The following TSHZ1 variants were observed in gnomAD, a reference collection of about 807,000 sequenced individuals.
TSHZ1 encodes the protein teashirt homolog 1.
TSHZ1 carries 12 observed loss-of-function variants against 67.1 expected under a neutral mutation model. That is an observed-to-expected ratio of 0.18 (90% confidence interval 0.11 to 0.29). The LOEUF is 0.29. TSHZ1 is among the 10% of genes least tolerant of loss of function. The pLI, the probability that TSHZ1 is intolerant of heterozygous loss-of-function variation, is 1.00. For missense variants in TSHZ1, 1,305 were observed against 1,413.9 expected, an observed-to-expected ratio of 0.92 and a Z score of 1.23; for synonymous variants, 632 against 622.4, an observed-to-expected ratio of 1.02 and a Z score of -0.23.
In TSHZ1 at chr18:75,281,204, C is replaced by T. The variant is rs1030105798; in HGVS notation, c.41-4244C>T. Among the ~76,000 whole-genome samples the T allele has an allele frequency of 6.6e-6, 1 of 152,224 alleles. No individual in the cohort carries two copies. The highest frequency in any genetic ancestry group is 1.5e-5 in the Non-Finnish European group (1 of 68,040). ...TGGGGACGTTGGAAGGCTCTGGCCACAGCTGGTCATCAGTGCGGGGGGCCA... is the reference window on the plus strand; with the variant it reads ...TGGGGACGTTGGAAGGCTCTGGCCATAGCTGGTCATCAGTGCGGGGGGCCA... On this transcript the variant is annotated intron_variant, in intron 1 of 1. Coordinates refer to ENST00000580243, the MANE Select transcript of TSHZ1 (RefSeq NM_001308210.2). This position sits in a 1 kb window ranked among gnomAD's most constrained non-coding sequence, Gnocchi z 5.3.
intron 1 of TSHZ1, among the ~76,000 whole-genome samples, chr18:75,277,275 A>C (rs987714922): frequency 1.3e-5 from 2 of 152,050 alleles, no homozygotes; most frequent in African/African-American, 4.8e-5. Context: ...TTTTGTTCCC[A>C]TTGTTCCCAT....
chr18:75,288,835 A>G lies in TSHZ1; in HGVS notation c.*194A>G, dbSNP rs930474318. 1 of 906,680 alleles carries G rather than the reference A, an allele frequency of 1.1e-6. No homozygotes were observed. Among genetic ancestry groups the G allele is most frequent in the African/African-American group, 1.7e-5 (1 of 58,254 alleles). 56.2% of individuals were successfully genotyped at this position (906,680 alleles called of 1,614,324 possible). ...TGCATGTTATTTTTCTTTTTCCGTG[A>G]GTCAAAGTCTGACCTTTATTTTCAA... On this transcript the variant is annotated 3_prime_UTR_variant, in exon 2 of 2. Coordinates refer to ENST00000580243, the MANE Select transcript of TSHZ1 (RefSeq NM_001308210.2). This position sits in a 1 kb window ranked among gnomAD's most constrained non-coding sequence, Gnocchi z 4.9.
chr18:75,220,707 T>C (rs755273147), intron 1 of TSHZ1, among the ~76,000 whole-genome samples: 62 of 152,212 alleles, frequency 4.1e-4, no homozygotes, highest in Non-Finnish European at 8.2e-4. Flanking sequence ...GTTTAACCTT[T>C]TCATGTTTTC....
At chr18:75,260,697 A>C (rs1172432687) in intron 1 of TSHZ1, among the ~76,000 whole-genome samples, 3 of 152,130 alleles carry the variant, frequency 2.0e-5, no homozygotes, top group Non-Finnish European at 4.4e-5. Context: ...CGGCCTTTTC[A>C]CTGGGAGTTT....
chr18:75,266,186 A>G (rs1412909421), intron 1 of TSHZ1, among the ~76,000 whole-genome samples: 2 of 152,218 alleles, frequency 1.3e-5, no homozygotes, highest in Non-Finnish European at 2.9e-5. Context: ...GGAGACTTGC[A>G]GCCCGGTGCT....
rs1385689506 is a variant in TSHZ1, at chr18:75,287,305, A to G, written c.1898A>G (p.Lys633Arg). 2 of 1,614,164 alleles carry G rather than the reference A, an allele frequency of 1.2e-6. No individual in the cohort carries two copies. The highest frequency in any genetic ancestry group is 1.7e-6 in the Non-Finnish European group (2 of 1,180,026). The change falls in exon 2 of 2, where the codon AAG becomes AGG. Residue 633 changes from lysine to arginine, a missense_variant. Lys to Arg is a conservative substitution (Grantham distance 26). Transcript: ENST00000580243. This position sits in a 1 kb window ranked among gnomAD's most constrained non-coding sequence, Gnocchi z 5.0. ...SPGSLTPPPH[K>R]SNVSAMEELV... ...GGGAGCCTCACGCCCCCACCGCACA[A>G]GAGCAACGTGTCTGCCATGGAGGAG... is the stretch of plus-strand genomic sequence containing the variant.
intron 1 of TSHZ1, among the ~76,000 whole-genome samples, chr18:75,219,919 A>G (rs534829811): frequency 6.6e-6 from 1 of 152,360 alleles, no homozygotes; most frequent in South Asian, 2.1e-4. Context: ...CCTGTGATAC[A>G]TGCACAGTCA....
At chr18:75,284,783 C>G (rs11662484) in intron 1 of TSHZ1, 50,561 of 152,252 alleles carry the variant, frequency 0.33, 9,194 homozygotes, top group Non-Finnish European at 0.41. Context: ...CCAACTGTCA[C>G]TGGACCTTTT....
At position 75,211,007 on chromosome 18, in the gene TSHZ1, G is replaced by A. The variant is rs1186698923; in HGVS notation, c.-870G>A. ...GTTGCCTTTTTTTTTTCTTGGAGGG[G>A]GGGGTGCTTTTTGTGTATTTTTCAA... is the stretch of plus-strand genomic sequence containing the variant. On this transcript the variant is annotated 5_prime_UTR_variant, in exon 1 of 2. Coordinates refer to ENST00000580243, the MANE Select transcript of TSHZ1 (RefSeq NM_001308210.2). 3.3e-5 allele frequency: 5 copies of A among 151,030 alleles called. No individual in the cohort carries two copies. The highest frequency in any genetic ancestry group is 3.3e-4 in the Admixed American group (5 of 15,184). The allele number at this position is 151,030 out of a possible 1,614,324, so 9.4% of individuals were successfully genotyped here. A position where few individuals can be genotyped will look rare whatever the true frequency, so the allele number is the denominator to read the frequency against.
In TSHZ1 at chr18:75,289,071, G is replaced by GA. The variant is rs777123658; in HGVS notation, c.*442dup. On this transcript the variant is annotated 3_prime_UTR_variant, in exon 2 of 2. Transcript: ENST00000580243. Reference sequence around the variant, plus strand: ...AATTGCATTTCTGTGCCTTTCACTTGAAAAAAAAAAAAGAAGAAAAAAAGG... The same window carrying GA: ...AATTGCATTTCTGTGCCTTTCACTTGAAAAAAAAAAAAAGAAGAAAAAAAGG... 4.5e-3 allele frequency: 615 copies of GA among 137,362 alleles called. No homozygotes were observed. The highest frequency in any genetic ancestry group is 3.5e-3 in the East Asian group (16 of 4,542). 8.5% of individuals were successfully genotyped at this position (137,362 alleles called of 1,614,324 possible). A position where few individuals can be genotyped will look rare whatever the true frequency, so the allele number is the denominator to read the frequency against.
Position 75,210,823 on chromosome 18 carries a change from A to T in TSHZ1, c.-1054A>T, listed in dbSNP as rs969013730. On this transcript the variant is annotated 5_prime_UTR_variant, in exon 1 of 2. Coordinates refer to ENST00000580243, the MANE Select transcript of TSHZ1 (RefSeq NM_001308210.2). ...GTTGAGACTGTCTGAAAGCTCTGCG[A>T]TCCGAATGTGTGTTATATTTCACTG... is the stretch of plus-strand genomic sequence containing the variant. 6.8e-6 allele frequency: 1 copy of T among 147,608 alleles called. No individual in the cohort carries two copies. Among genetic ancestry groups the T allele is most frequent in the Non-Finnish European group, 1.5e-5 (1 of 67,028 alleles). The allele number at this position is 147,608 out of a possible 1,614,324, so 9.1% of individuals were successfully genotyped here. A position where few individuals can be genotyped will look rare whatever the true frequency, so the allele number is the denominator to read the frequency against.
At chr18:75,257,454 A>T (rs2119245) in intron 1 of TSHZ1, among the ~76,000 whole-genome samples, 119,521 of 152,152 alleles carry the variant, frequency 0.79, 47,084 homozygotes, top group South Asian at 0.87. Context: ...GAGTTTAACC[A>T]ATTAATAAGA....
intron 1 of TSHZ1, among the ~76,000 whole-genome samples, chr18:75,235,793 C>T (rs561204553): frequency 3.3e-5 from 5 of 152,276 alleles, no homozygotes; most frequent in Non-Finnish European, 4.4e-5. Flanking sequence ...TCATCTCAGC[C>T]GTCTCCTCCT....
At chr18:75,278,769 C>T (rs895824759) in intron 1 of TSHZ1, among the ~76,000 whole-genome samples, 2 of 152,010 alleles carry the variant, frequency 1.3e-5, no homozygotes, top group Admixed American at 6.5e-5. Context: ...GGTGGTCGTC[C>T]GGAGGTGGTG....
intron 1 of TSHZ1, among the ~76,000 whole-genome samples, chr18:75,225,005 G>C (rs960552): frequency 2.0e-4 from 30 of 151,628 alleles, no homozygotes; most frequent in South Asian, 8.3e-4. Context: ...TTCTTTCTTA[G>C]AAAAGCTGGT....
At chr18:75,215,953 T>A (rs951864680) in intron 1 of TSHZ1, among the ~76,000 whole-genome samples, 3 of 151,866 alleles carry the variant, frequency 2.0e-5, no homozygotes, top group African/African-American at 7.3e-5. Context: ...ATACTCTGTG[T>A]ATGTGTGTCT....
At chr18:75,215,368 C>T (rs751482191) in intron 1 of TSHZ1, among the ~76,000 whole-genome samples, 1 of 152,218 alleles carries the variant, frequency 6.6e-6, no homozygotes, top group Non-Finnish European at 1.5e-5. Context: ...AGAATTATAC[C>T]TGTGAAATCA....
At chr18:75,220,314 T>C (rs1394338388) in intron 1 of TSHZ1, among the ~76,000 whole-genome samples, 4 of 152,196 alleles carry the variant, frequency 2.6e-5, no homozygotes, top group Non-Finnish European at 5.9e-5. Context: ...AACCGACTCT[T>C]TTTTTACATT....
At chr18:75,277,630 CA>C (rs2023630816) in intron 1 of TSHZ1, among the ~76,000 whole-genome samples, 1 of 152,088 alleles carries the variant, frequency 6.6e-6, no homozygotes, top group African/African-American at 2.4e-5. Flanking sequence ...AGGGGCAAGC[CA>C]GCTCTCTGGA....
Sources: gnomAD v4.1 joint callset for allele counts (sites outside exome capture counted in the v4.1 genomes callset) on GRCh38, gnomAD v4.1.1 for gene constraint, Gnocchi (gnomAD v3.1) non-coding constraint, MANE v1.5 for transcripts, NCBI Gene and HGNC (gene_info 2026-07-23, HGNC 2026-07-21) for gene names.